The following TANC1 variants were observed in gnomAD, a reference collection of about 807,000 sequenced individuals.
TANC1 encodes protein TANC1.
In TANC1, 77 loss-of-function variants were observed where a neutral mutation model predicts 149.7. The observed-to-expected ratio is 0.51, with a 90% CI of 0.43 to 0.62. TANC1 has a LOEUF of 0.62. Ranked by LOEUF, TANC1 falls within the 20% of genes least tolerant of loss-of-function variation. The pLI is 0.00. For synonymous variants in TANC1, 854 were observed against 925.0 expected, an observed-to-expected ratio of 0.92 and a Z score of 1.39; for missense variants, 1,985 against 2,321.8, an observed-to-expected ratio of 0.85 and a Z score of 2.98.
At chr2:159,069,663 A>T (rs995656878) in intron 3 of TANC1, among the ~76,000 whole-genome samples, 2 of 151,960 alleles carry the variant, frequency 1.3e-5, no homozygotes, top group Non-Finnish European at 2.9e-5. Context: ...GGAAGTTAGT[A>T]TCTTTTTGTA....
chr2:159,155,611 G>A (rs1042264340), intron 7 of TANC1, among the ~76,000 whole-genome samples: 7 of 152,174 alleles, frequency 4.6e-5, no homozygotes, highest in Admixed American at 1.3e-4. Flanking sequence ...GGCATGAGCC[G>A]CCACATTCCA....
intron 26 of TANC1, 118 bp from the exon 27 acceptor site, chr2:159,229,460 G>C (rs1449239679): frequency 1.2e-6 from 1 of 858,438 alleles, no homozygotes; most frequent in Non-Finnish European, 1.8e-6. Flanking sequence ...ACCACCGTAA[G>C]TGTTCAAAAC....
At chr2:159,182,755 A>C (rs2056616617) in intron 14 of TANC1, among the ~76,000 whole-genome samples, 1 of 152,104 alleles carries the variant, frequency 6.6e-6, no homozygotes, top group African/African-American at 2.4e-5. Context: ...TACCTCTCTC[A>C]GGAGGCGCAT....
chr2:159,165,830 C>G (rs1456549933), intron 8 of TANC1, among the ~76,000 whole-genome samples: 1 of 152,234 alleles, frequency 6.6e-6, no homozygotes, highest in Admixed American at 6.5e-5. Flanking sequence ...GATGCCAGAC[C>G]TCTGTTCACA....
chr2:159,072,546 T>C (rs984459425), intron 3 of TANC1, among the ~76,000 whole-genome samples: 7 of 152,242 alleles, frequency 4.6e-5, no homozygotes, highest in Admixed American at 1.3e-4. Flanking sequence ...GTGTTTTAGC[T>C]TGACATTTGG....
Position 159,178,634 on chromosome 2 carries a change from C to T in TANC1, c.1981C>T (p.His661Tyr), listed in dbSNP as rs1204782895. ...PDNKDIHSDL[H>Y]AYVQHRVHSS... ...CAACAAAGACATCCACAGTGACCTG[C>T]ACGCCTACGTCCAGCACAGGGTGCA... The change falls in exon 14 of 27, where the codon CAC (histidine) becomes TAC (tyrosine). Residue 661 changes from histidine to tyrosine, a missense_variant. Around this residue, in one of 3 missense-constraint regions of TANC1, gnomAD observed 508 missense variants for 714.2 expected, o/e 0.71. Coordinates refer to ENST00000263635, the MANE Select transcript of TANC1 (RefSeq NM_033394.3). The T allele has an allele frequency of 1.2e-6, 2 of 1,613,838 alleles. No individual in the cohort carries two copies. Among genetic ancestry groups the T allele is most frequent in the Non-Finnish European group, 1.7e-6 (2 of 1,179,924 alleles).
intron 3 of TANC1, among the ~76,000 whole-genome samples, chr2:159,078,333 T>C (rs913126539): frequency 1.3e-5 from 2 of 152,242 alleles, no homozygotes; most frequent in Admixed American, 6.5e-5. Context: ...TTTAATATTT[T>C]GGTAAGTGGT....
At chr2:159,043,821 G>A (rs920466332) in intron 2 of TANC1, among the ~76,000 whole-genome samples, 5 of 152,184 alleles carry the variant, frequency 3.3e-5, no homozygotes, top group East Asian at 1.9e-4. Flanking sequence ...CTTATTCCCC[G>A]TGAAAAACTT....
intron 25 of TANC1, chr2:159,228,224 C>CTGCTCCTCTGCAGCT: frequency 4.5e-6 from 2 of 447,340 alleles, no homozygotes; most frequent in Non-Finnish European, 7.9e-6. Context: ...CAAATGCAGT[C>CTGCTCCTCTGCAGCT]TGCTCCTCTG....
intron 2 of TANC1, among the ~76,000 whole-genome samples, chr2:159,026,853 G>A (rs1464640574): frequency 3.3e-5 from 5 of 152,132 alleles, no homozygotes; most frequent in African/African-American, 1.2e-4. Context: ...AAACCATTCC[G>A]CCCTTCTAGA....
chr2:159,187,044 G>A lies in TANC1; in HGVS notation c.2742+20G>A. The A allele has an allele frequency of 1.2e-6, 2 of 1,613,298 alleles. No homozygotes were observed. Among genetic ancestry groups the A allele is most frequent in the Non-Finnish European group, 1.7e-6 (2 of 1,179,700 alleles). On this transcript the variant is annotated intron_variant, in intron 16 of 26. Coordinates refer to ENST00000263635, the MANE Select transcript of TANC1 (RefSeq NM_033394.3). Reference sequence around the variant, plus strand: ...GTGAAGGTGAGCAACCTTCTGCACAGAGAGCCGGAGACCCAGCCCTGGCCG... The same window carrying A: ...GTGAAGGTGAGCAACCTTCTGCACAAAGAGCCGGAGACCCAGCCCTGGCCG...
chr2:159,177,509 G>GT (rs2056001538), intron 13 of TANC1, among the ~76,000 whole-genome samples: 1 of 152,128 alleles, frequency 6.6e-6, no homozygotes, highest in Non-Finnish European at 1.5e-5. Flanking sequence ...CTTGATGCGT[G>GT]TTTTTTGGAC....
chr2:159,042,689 G>T (rs949077845), intron 2 of TANC1, among the ~76,000 whole-genome samples: 2 of 152,048 alleles, frequency 1.3e-5, no homozygotes, highest in Non-Finnish European at 2.9e-5. Flanking sequence ...GGGCATGCAG[G>T]TGATATTTGA....
At chr2:159,162,841 A>G (rs1163127432) in intron 7 of TANC1, among the ~76,000 whole-genome samples, 1 of 152,184 alleles carries the variant, frequency 6.6e-6, no homozygotes, top group East Asian at 1.9e-4. Context: ...CCGTTTCTGC[A>G]TTAACCATTC....
chr2:159,175,270 G>A, intron 12 of TANC1, 86 bp downstream of exon 12: 2 of 1,112,396 alleles, frequency 1.8e-6, no homozygotes, highest in South Asian at 2.7e-5. Context: ...GGTCAGCCGG[G>A]CTGGGGTAGA....
At chr2:159,074,978 C>T (rs544804968) in intron 3 of TANC1, among the ~76,000 whole-genome samples, 1 of 152,162 alleles carries the variant, frequency 6.6e-6, no homozygotes, top group African/African-American at 2.4e-5. Context: ...CCTCATCCAA[C>T]CTAATTGTCT....
intron 19 of TANC1, among the ~76,000 whole-genome samples, chr2:159,207,542 A>G (rs544939714): frequency 1.3e-4 from 20 of 152,092 alleles, no homozygotes; most frequent in African/African-American, 4.8e-4. Context: ...TCTACTAAAA[A>G]TACAAAAACT....
intron 1 of TANC1, among the ~76,000 whole-genome samples, chr2:158,973,813 T>C (rs936273518): frequency 6.6e-6 from 1 of 152,094 alleles, no homozygotes; most frequent in Non-Finnish European, 1.5e-5. Context: ...ACCCCTGTAG[T>C]CTTGAGGGCA....
At chr2:159,131,206 A>G (rs531119154) in intron 4 of TANC1, among the ~76,000 whole-genome samples, 45 of 152,126 alleles carry the variant, frequency 3.0e-4, no homozygotes, top group African/African-American at 8.4e-4. Flanking sequence ...TTCTTAATCT[A>G]CTTTTTCCTT....
Sources: gnomAD v4.1 joint callset for allele counts (sites outside exome capture counted in the v4.1 genomes callset) on GRCh38, gnomAD v4.1.1 for gene constraint, gnomAD v4.1.1 regional missense constraint, MANE v1.5 for transcripts, NCBI Gene and HGNC (gene_info 2026-07-23, HGNC 2026-07-21) for gene names.